The following HECTD4 variants were observed in gnomAD, a reference collection of about 807,000 sequenced individuals.
HECTD4 encodes the protein HECT domain E3 ubiquitin protein ligase 4, also known as probable E3 ubiquitin-protein ligase HECTD4.
In HECTD4, 114 loss-of-function variants were observed where a neutral mutation model predicts 471.5. The ratio of observed to expected loss-of-function variants is 0.24; its 90% CI spans 0.21 to 0.28. The LOEUF (loss-of-function observed/expected upper bound fraction) is 0.28, where lower values mean the gene tolerates loss of function less well. HECTD4 is among the 10% of genes least tolerant of loss of function. The probability of loss-of-function intolerance (pLI) is 1.00; values close to 1 mark genes in which losing one functional copy is unlikely to be tolerated. For missense variants in HECTD4, 3,866 were observed against 5,651.5 expected (o/e 0.68, Z 10.13); for synonymous variants, 2,012 against 2,256.0 (o/e 0.89, Z 3.07).
intron 7 of HECTD4, among the ~76,000 whole-genome samples, chr12:112,286,766 CTT>C (rs2034763587): frequency 6.6e-6 from 1 of 152,172 alleles, no homozygotes; most frequent in Non-Finnish European, 1.5e-5. Flanking sequence ...TTCCAACACA[CTT>C]ATGATAAAAT....
rs547174107 is a variant in HECTD4, at chr12:112,361,476, A to G, written c.177+20476T>C. Among the ~76,000 whole-genome samples, 12 of 151,650 alleles carry G rather than the reference A, an allele frequency of 7.9e-5. No individual in the cohort carries two copies. In the East Asian group the frequency reaches 2.3e-3, roughly 29 times the overall value. On this transcript the variant is annotated intron_variant, in intron 1 of 75. Coordinates refer to ENST00000682272, the MANE Select transcript of HECTD4 (RefSeq NM_001388303.1). ...TTTTGTAGAGATAGGGTCTCACTAC[A>G]TTGCCCAGGCTTGCTTTGCATTCCT...
intron 1 of HECTD4, among the ~76,000 whole-genome samples, chr12:112,328,685 A>G (rs143579267): frequency 4.7e-4 from 72 of 152,386 alleles, no homozygotes; most frequent in Admixed American, 1.8e-3. Context: ...TGGATCACTT[A>G]TCAATTAAAT....
At chr12:112,352,331 G>T (rs1180260683) in intron 1 of HECTD4, among the ~76,000 whole-genome samples, 1 of 149,722 alleles carries the variant, frequency 6.7e-6, no homozygotes, top group East Asian at 2.3e-4. Flanking sequence ...TGTGGATGGA[G>T]CATCTTTTTT....
intron 34 of HECTD4, among the ~76,000 whole-genome samples, chr12:112,238,514 G>A (rs1425218998): frequency 1.3e-5 from 2 of 152,202 alleles, no homozygotes; most frequent in Admixed American, 6.5e-5. Flanking sequence ...GAGGCCAGGA[G>A]TTTGAGACCA....
rs2031797549 is a variant in HECTD4, at chr12:112,184,707, G to A, written c.10259C>T (p.Ala3420Val). Residue 3420 changes from alanine to valine, a missense_variant, in exon 61 of 76, where the codon GCC (alanine) becomes GTC (valine). Physicochemically the swap from Ala to Val is moderately conservative, Grantham distance 64. Coordinates refer to ENST00000682272, the MANE Select transcript of HECTD4 (RefSeq NM_001388303.1). The surrounding 1 kb of genome is among the most constrained non-coding windows in gnomAD (Gnocchi z 9.1). ...EGVVRGAIRK[A>V]CNAHGGVFKD... ...GAAGACCCCGCCGTGGGCGTTGCAG[G>A]CCTTGCGGATGGCGCCTCTGACTAC... The A allele has an allele frequency of 1.2e-6, 2 of 1,613,380 alleles. No homozygotes were observed. The highest frequency in any genetic ancestry group is 1.3e-5 in the African/African-American group (1 of 74,926).
chr12:112,193,926 C>A lies in HECTD4; in HGVS notation c.8750-252G>T, dbSNP rs1428620017. On this transcript the variant is annotated intron_variant, in intron 56 of 75. Transcript: ENST00000682272. The surrounding 1 kb of genome is among the most constrained non-coding windows in gnomAD (Gnocchi z 5.2). ...GTGAAACTGTTGCCTAAAATAAAAT[C>A]TACACAGAGGCCCAGGTCTACGAAA... is the stretch of plus-strand genomic sequence containing the variant. 6.6e-6 allele frequency among the ~76,000 whole-genome samples: 1 copy of A among 152,174 alleles called. No individual in the cohort carries two copies. Among genetic ancestry groups the A allele is most frequent in the African/African-American group, 2.4e-5 (1 of 41,446 alleles).
intron 1 of HECTD4, among the ~76,000 whole-genome samples, chr12:112,333,187 A>G (rs1218093043): frequency 6.6e-6 from 1 of 152,224 alleles, no homozygotes; most frequent in Non-Finnish European, 1.5e-5. Flanking sequence ...TTATACAGAC[A>G]TGTTTCCATC....
In HECTD4 at chr12:112,224,268, C is replaced by CTT. The variant is rs1275351500; in HGVS notation, c.6970+2373_6970+2374dup. On this transcript the variant is annotated intron_variant, in intron 44 of 75. Coordinates refer to ENST00000682272, the MANE Select transcript of HECTD4 (RefSeq NM_001388303.1). The stretch of plus-strand genomic sequence containing the variant: ...CCTAATAAGTGAGTTATTAAGGATT[C>CTT]TTTTTTTTTTTTTTTGAGATGGAGT... Among the ~76,000 whole-genome samples the CTT allele has an allele frequency of 6.4e-5, 9 of 140,356 alleles. No individual in the cohort carries two copies. The South Asian group carries it at 9.1e-4, about 14-fold the overall frequency. The allele number at this position is 140,356 out of a possible 152,430, so 92.1% of individuals were successfully genotyped here.
intron 60 of HECTD4, among the ~76,000 whole-genome samples, chr12:112,185,889 C>T (rs891689878): frequency 6.6e-6 from 1 of 152,254 alleles, no homozygotes; most frequent in African/African-American, 2.4e-5. Context: ...TACCAAACAG[C>T]ACTGAAACAC....
In HECTD4 at chr12:112,160,701, G is replaced by A. The variant is rs935035042; in HGVS notation, c.*1686C>T. The A allele has an allele frequency of 2.0e-5, 3 of 152,118 alleles. No homozygotes were observed. The highest frequency in any genetic ancestry group is 7.2e-5 in the African/African-American group (3 of 41,408). 9.4% of individuals were successfully genotyped at this position (152,118 alleles called of 1,614,324 possible). On this transcript the variant is annotated 3_prime_UTR_variant, in exon 76 of 76. Coordinates refer to ENST00000682272, the MANE Select transcript of HECTD4 (RefSeq NM_001388303.1). ...GAGGAAAAACCACTTCTAATAAATC[G>A]AAAGGCTCTTTCATTATGCAGAAAT...
chr12:112,228,175 G>C lies in HECTD4; in HGVS notation c.6768C>G (p.Leu2256=). 1.2e-6 allele frequency: 2 copies of C among 1,613,928 alleles called. No individual in the cohort carries two copies. Among genetic ancestry groups the C allele is most frequent in the South Asian group, 1.1e-5 (1 of 91,080 alleles). Residue 2256 remains leucine, a synonymous_variant, in exon 43 of 76, where the codon CTC becomes CTG. Transcript: ENST00000682272. The surrounding 1 kb of genome is among the most constrained non-coding windows in gnomAD (Gnocchi z 4.9). ...TTGCAGGAAGTGAGGTGTGAATAGA[G>C]AGACTTCCCTCCTGAGGAAGCAACA... is the stretch of plus-strand genomic sequence containing the variant. ...QSMLLPQEGS[L]SIHTSLPATG...
chr12:112,308,194 T>C (rs974532690), intron 6 of HECTD4, among the ~76,000 whole-genome samples: 6 of 152,068 alleles, frequency 3.9e-5, no homozygotes, highest in African/African-American at 1.4e-4. Context: ...TAGGACAGGG[T>C]CCATACCTAA....
intron 60 of HECTD4, among the ~76,000 whole-genome samples, chr12:112,189,723 CCTGAAGGCA>C (rs1223921993): frequency 1.3e-5 from 2 of 152,106 alleles, no homozygotes; most frequent in East Asian, 3.9e-4. Context: ...CTGTTTGAAC[CCTGAAGGCA>C]CTGAAGGCAT....
intron 48 of HECTD4, 93 bp downstream of exon 48, chr12:112,216,199 C>T: frequency 1.2e-6 from 1 of 834,498 alleles, no homozygotes. Flanking sequence ...CTGCCCATTT[C>T]CAATTGCTAA....
chr12:112,250,887 G>A (rs554289027), intron 24 of HECTD4, 84 bp downstream of exon 24: 1 of 1,363,772 alleles, frequency 7.3e-7, no homozygotes, highest in Admixed American at 2.5e-5. Flanking sequence ...ACAATCACCT[G>A]GGAAATGTAC....
In HECTD4 at chr12:112,271,552, T is replaced by A. The variant is rs933916801; in HGVS notation, c.1943-1093A>T. On this transcript the variant is annotated intron_variant, in intron 11 of 75. Coordinates refer to ENST00000682272, the MANE Select transcript of HECTD4 (RefSeq NM_001388303.1). ...CCAATCCGTAACTTCAGTCTAACCA[T>A]GAGAAAGCATCAGATGAACCCACAG... Among the ~76,000 whole-genome samples the A allele has an allele frequency of 7.9e-5, 12 of 152,308 alleles. No individual in the cohort carries two copies. The South Asian group carries it at 1.2e-3, about 16-fold the overall frequency.
chr12:112,263,907 T>C (rs1046955934), intron 17 of HECTD4, among the ~76,000 whole-genome samples, 177 bp downstream of exon 17: 4 of 152,128 alleles, frequency 2.6e-5, no homozygotes, highest in African/African-American at 7.2e-5. Flanking sequence ...GTGTCACAAG[T>C]AGGTGACTAC....
chr12:112,353,177 A>T (rs1483279600), intron 1 of HECTD4, among the ~76,000 whole-genome samples: 9 of 152,228 alleles, frequency 5.9e-5, no homozygotes, highest in African/African-American at 1.9e-4. Context: ...CACCATTACC[A>T]GGTTAAAACT....
At chr12:112,200,199 G>T (rs1042583497) in intron 55 of HECTD4, among the ~76,000 whole-genome samples, 1 of 151,338 alleles carries the variant, frequency 6.6e-6, no homozygotes, top group Admixed American at 6.6e-5. Context: ...TGTCACCCGG[G>T]TTGGAGTGCA....
Sources: gnomAD v4.1 joint callset for allele counts (sites outside exome capture counted in the v4.1 genomes callset) on GRCh38, gnomAD v4.1.1 for gene constraint, Gnocchi (gnomAD v3.1) non-coding constraint, MANE v1.5 for transcripts, NCBI Gene and HGNC (gene_info 2026-07-23, HGNC 2026-07-21) for gene names.